Variants in FHIT observed in about 807,000 individuals in gnomAD.
FHIT encodes fragile histidine triad diadenosine triphosphatase.
FHIT carries 19 observed loss-of-function variants against 17.9 expected under a neutral mutation model. The ratio of observed to expected loss-of-function variants is 1.06; its 90% confidence interval spans 0.74 to 1.56. The LOEUF (loss-of-function observed/expected upper bound fraction) is 1.56. FHIT is among the 40% of genes most tolerant of loss of function. The pLI, the probability that FHIT is intolerant of heterozygous loss-of-function variation, is 0.00. For missense variants in FHIT, 248 were observed against 189.2 expected (o/e 1.31, Z -1.82); for synonymous variants, 81 against 69.7 (o/e 1.16, Z -0.81).
At chr3:60,925,387 G>T (rs1707535820) in intron 3 of FHIT, among the ~76,000 whole-genome samples, 1 of 152,214 alleles carries the variant, frequency 6.6e-6, no homozygotes, top group Non-Finnish European at 1.5e-5. Flanking sequence ...GAAGCCAGAA[G>T]AGAGTGGAGG....
chr3:61,111,809 G>A (rs550000828), intron 2 of FHIT, among the ~76,000 whole-genome samples: 4 of 152,280 alleles, frequency 2.6e-5, no homozygotes, highest in South Asian at 2.1e-4. Context: ...GTATGTGCAC[G>A]TATATAATTT....
chr3:60,046,198 A>G (rs1701646427), intron 5 of FHIT, among the ~76,000 whole-genome samples: 2 of 152,224 alleles, frequency 1.3e-5, no homozygotes, highest in Admixed American at 1.3e-4. Context: ...TGCTTCATTT[A>G]CTACTTTCCA....
chr3:60,169,455 C>T (rs916027320), intron 5 of FHIT, among the ~76,000 whole-genome samples: 5 of 152,048 alleles, frequency 3.3e-5, no homozygotes, highest in East Asian at 1.9e-4. Flanking sequence ...AGGGAGGCAA[C>T]GTAATGAAAA....
chr3:60,532,661 T>C (rs185920858), intron 5 of FHIT, among the ~76,000 whole-genome samples: 2 of 152,306 alleles, frequency 1.3e-5, no homozygotes, highest in East Asian at 1.9e-4. Flanking sequence ...GCCTGTTCAA[T>C]AGGCTTTAAA....
chr3:61,198,782 G>GAAAA (rs2038927168), intron 2 of FHIT, among the ~76,000 whole-genome samples: 2 of 151,836 alleles, frequency 1.3e-5, no homozygotes, highest in African/African-American at 4.8e-5. Context: ...CCCTTCTTTG[G>GAAAA]TAGCAACATG....
chr3:60,615,040 G>C (rs1477188808), intron 4 of FHIT, among the ~76,000 whole-genome samples: 1 of 151,932 alleles, frequency 6.6e-6, no homozygotes, highest in African/African-American at 2.4e-5. Context: ...ATGTTGGCCA[G>C]AATGGTCTTG....
intron 5 of FHIT, among the ~76,000 whole-genome samples, chr3:60,037,770 G>A (rs1701279382): frequency 6.6e-6 from 1 of 151,410 alleles, no homozygotes; most frequent in Admixed American, 6.6e-5. Flanking sequence ...CTGGAGTGCA[G>A]TGACATGATC....
intron 7 of FHIT, among the ~76,000 whole-genome samples, chr3:59,960,651 A>G (rs879474559): frequency 1.1e-4 from 16 of 152,180 alleles, no homozygotes; most frequent in Admixed American, 7.9e-4. Flanking sequence ...TGTTCATGGA[A>G]AGCAATAAAC....
At chr3:60,820,090 T>C (rs1382754736) in intron 4 of FHIT, among the ~76,000 whole-genome samples, 1 of 152,086 alleles carries the variant, frequency 6.6e-6, no homozygotes. Flanking sequence ...GGTGGATCAC[T>C]TGAGGTCAGG....
intron 5 of FHIT, among the ~76,000 whole-genome samples, chr3:60,193,942 T>C (rs905975816): frequency 3.9e-5 from 6 of 152,166 alleles, no homozygotes; most frequent in African/African-American, 7.2e-5. Flanking sequence ...GAAAGTATCA[T>C]AGACGACACA....
intron 3 of FHIT, among the ~76,000 whole-genome samples, chr3:61,014,807 A>AATATATAT (rs1553798840): frequency 0.053 from 2,566 of 48,848 alleles, 120 homozygotes; most frequent in Middle Eastern, 0.12. Context: ...AAAAAAAAAA[A>AATATATAT]ATATATATAT....
chr3:61,219,749 T>C (rs369808843), intron 1 of FHIT, among the ~76,000 whole-genome samples: 3 of 152,314 alleles, frequency 2.0e-5, no homozygotes, highest in East Asian at 3.9e-4. Context: ...AACACACTGA[T>C]TTATCTTGCT....
intron 5 of FHIT, among the ~76,000 whole-genome samples, chr3:60,084,379 C>G (rs1318994070): frequency 6.6e-6 from 1 of 152,134 alleles, no homozygotes; most frequent in Non-Finnish European, 1.5e-5. Flanking sequence ...TACAGAGGTG[C>G]TATTGTCAAG....
chr3:60,548,448 G>C (rs1190715119), intron 4 of FHIT, among the ~76,000 whole-genome samples: 1 of 152,176 alleles, frequency 6.6e-6, no homozygotes, highest in Non-Finnish European at 1.5e-5. Flanking sequence ...CGAAGTTTAA[G>C]AAACTCAGGC....
At chr3:60,960,064 T>C (rs1422318250) in intron 3 of FHIT, among the ~76,000 whole-genome samples, 3 of 125,848 alleles carry the variant, frequency 2.4e-5, no homozygotes. Context: ...TTTGGGGCAG[T>C]TTTTTTTTTA....
At chr3:60,400,349 A>G (rs1701614160) in intron 5 of FHIT, among the ~76,000 whole-genome samples, 1 of 152,184 alleles carries the variant, frequency 6.6e-6, no homozygotes, top group Non-Finnish European at 1.5e-5. Flanking sequence ...TGGGGCCTGC[A>G]GAGGAAAAAG....
intron 5 of FHIT, among the ~76,000 whole-genome samples, chr3:60,229,446 A>AAAAGAT (rs1704384047): frequency 6.6e-6 from 1 of 151,302 alleles, no homozygotes; most frequent in Admixed American, 6.6e-5. Context: ...AAGAAAAAGA[A>AAAAGAT]AAGAAAAGAA....
intron 5 of FHIT, among the ~76,000 whole-genome samples, chr3:60,495,346 T>G (rs2034256922): frequency 6.6e-6 from 1 of 152,226 alleles, no homozygotes; most frequent in Non-Finnish European, 1.5e-5. Context: ...GGGAATACTC[T>G]TAAAGAAGAA....
intron 4 of FHIT, among the ~76,000 whole-genome samples, chr3:60,663,210 C>T (rs1372156676): frequency 2.6e-5 from 3 of 116,836 alleles, no homozygotes; most frequent in African/African-American, 9.8e-5. Context: ...TTTATGTCAA[C>T]ATTGTTTTAG....
Sources: allele counts gnomAD v4.1 joint callset (sites outside exome capture counted in the v4.1 genomes callset), GRCh38; gene constraint gnomAD v4.1.1; transcripts MANE v1.5; gene names NCBI Gene and HGNC (gene_info 2026-07-23, HGNC 2026-07-21).